PLXNA2: variants seen among roughly 807,000 people sequenced by gnomAD.
PLXNA2 encodes plexin-A2.
PLXNA2 carries 91 observed loss-of-function variants against 193.5 expected under a neutral mutation model. That is an observed-to-expected ratio of 0.47 (90% CI 0.40 to 0.56). PLXNA2 has a LOEUF of 0.56. Among genes scored for constraint, PLXNA2 ranks in the 20% least tolerant of loss-of-function variants. The pLI, the probability that PLXNA2 is intolerant of heterozygous loss-of-function variation, is 0.00. For synonymous variants in PLXNA2, 997 were observed against 1,027.3 expected (o/e 0.97, Z 0.56); for missense variants, 1,995 against 2,503.2 (o/e 0.80, Z 4.33).
At chr1:208,049,908 C>T (rs1407635402) in intron 17 of PLXNA2, among the ~76,000 whole-genome samples, 2 of 152,098 alleles carry the variant, frequency 1.3e-5, no homozygotes, top group African/African-American at 4.8e-5. Flanking sequence ...AAGGTCAAAG[C>T]AGTAATGATA....
intron 12 of PLXNA2, among the ~76,000 whole-genome samples, chr1:208,076,497 G>A (rs1445872739): frequency 6.6e-6 from 1 of 151,912 alleles, no homozygotes; most frequent in African/African-American, 2.4e-5. Context: ...GCCCAGATTC[G>A]GCTTCTGAGA....
At chr1:208,090,865 C>T (rs1418554042) in intron 9 of PLXNA2, among the ~76,000 whole-genome samples, 4 of 152,242 alleles carry the variant, frequency 2.6e-5, no homozygotes, top group African/African-American at 4.8e-5. Context: ...CTGCCCAGGC[C>T]TCCCATGGTG....
chr1:208,191,217 C>T (rs1016693625), intron 3 of PLXNA2, among the ~76,000 whole-genome samples: 4 of 152,196 alleles, frequency 2.6e-5, no homozygotes, highest in Admixed American at 6.5e-5. Flanking sequence ...TCCTGCCTCA[C>T]GCGGAAACAC....
At chr1:208,049,100 G>C (rs1297141383) in intron 17 of PLXNA2, among the ~76,000 whole-genome samples, 2 of 152,096 alleles carry the variant, frequency 1.3e-5, no homozygotes, top group Admixed American at 1.3e-4. Flanking sequence ...GTTCCTTCCT[G>C]CAGAAACCAC....
chr1:208,056,113 C>T (rs1425252753), intron 13 of PLXNA2, among the ~76,000 whole-genome samples: 3 of 152,222 alleles, frequency 2.0e-5, no homozygotes, highest in Admixed American at 6.5e-5. Context: ...ATGCTGCTAC[C>T]TGCGTGTGGT....
intron 4 of PLXNA2, among the ~76,000 whole-genome samples, chr1:208,110,470 G>A (rs1035018696): frequency 1.3e-5 from 2 of 152,246 alleles, no homozygotes; most frequent in Admixed American, 6.5e-5. Flanking sequence ...GCCCCACCTT[G>A]CCCTGAGCTG....
At chr1:208,239,499 C>T (rs1671977827) in intron 1 of PLXNA2, among the ~76,000 whole-genome samples, 1 of 152,242 alleles carries the variant, frequency 6.6e-6, no homozygotes, top group South Asian at 2.1e-4. Context: ...CTACATCTTC[C>T]ATCCACCTGC....
At chr1:208,152,201 C>T (rs1359371073) in intron 3 of PLXNA2, among the ~76,000 whole-genome samples, 1 of 152,210 alleles carries the variant, frequency 6.6e-6, no homozygotes, top group Non-Finnish European at 1.5e-5. Context: ...CGCTAAGCAC[C>T]ATTATCTGAC....
At chr1:208,065,949 A>G (rs1471368889) in intron 12 of PLXNA2, among the ~76,000 whole-genome samples, 1 of 152,162 alleles carries the variant, frequency 6.6e-6, no homozygotes, top group East Asian at 1.9e-4. Context: ...GCAGCATTCC[A>G]CAATGAACTC....
At chr1:208,220,448 A>ATTT (rs1671292753) in intron 1 of PLXNA2, among the ~76,000 whole-genome samples, 1 of 151,890 alleles carries the variant, frequency 6.6e-6, no homozygotes, top group South Asian at 2.1e-4. Flanking sequence ...TATTATTATT[A>ATTT]TTGAGACAGA....
chr1:208,203,261 A>T lies in PLXNA2; in HGVS notation c.1371+7019T>A, dbSNP rs1340027767. Among the ~76,000 whole-genome samples the T allele has an allele frequency of 5.9e-5, 9 of 152,186 alleles. No homozygotes were observed. The East Asian group carries it at 1.5e-3, about 26-fold the overall frequency. On this transcript the variant is annotated intron_variant, in intron 3 of 31. Transcript: ENST00000367033. ...GGAGCCCGGGCAGGGAGCCAAACTC[A>T]TTACTAGGGATGTGGTGGTGAGCTC...
At chr1:208,140,891 G>A (rs956065438) in intron 4 of PLXNA2, among the ~76,000 whole-genome samples, 1 of 152,168 alleles carries the variant, frequency 6.6e-6, no homozygotes, top group African/African-American at 2.4e-5. Flanking sequence ...CATTCATTTT[G>A]ATGATTCCCA....
At chr1:208,215,046 T>C in intron 2 of PLXNA2, among the ~76,000 whole-genome samples, 1 of 151,852 alleles carries the variant, frequency 6.6e-6, no homozygotes, top group South Asian at 2.1e-4. Flanking sequence ...AGGGTCTCAC[T>C]CTGTCACCCA....
chr1:208,079,206 C>G, intron 12 of PLXNA2, 54 bp downstream of exon 12: 1 of 1,485,648 alleles, frequency 6.7e-7, no homozygotes, highest in Non-Finnish European at 9.3e-7. Flanking sequence ...CTCCCACTGT[C>G]TTGGGGTCAG....
chr1:208,060,988 CT>C, intron 12 of PLXNA2, 151 bp from the exon 13 acceptor site: 1 of 619,196 alleles, frequency 1.6e-6, no homozygotes, highest in Non-Finnish European at 2.8e-6. Flanking sequence ...GTTTTGTCCA[CT>C]TTTTAGCTTA....
chr1:208,064,325 T>C (rs1344403023), intron 12 of PLXNA2, among the ~76,000 whole-genome samples: 7 of 152,216 alleles, frequency 4.6e-5, no homozygotes, highest in Admixed American at 1.3e-4. Flanking sequence ...TACTAGTCAC[T>C]TGCTCTAAAA....
intron 1 of PLXNA2, among the ~76,000 whole-genome samples, chr1:208,221,402 T>C (rs2102620919): frequency 6.8e-6 from 1 of 147,032 alleles, no homozygotes; most frequent in Non-Finnish European, 1.5e-5. Flanking sequence ...TTTTTTTTTT[T>C]TTTTTCAGGC....
chr1:208,075,955 G>A (rs771713226), intron 12 of PLXNA2, among the ~76,000 whole-genome samples: 5 of 151,852 alleles, frequency 3.3e-5, no homozygotes, highest in Non-Finnish European at 7.4e-5. Context: ...CTACTCAGGA[G>A]GCTGAGGAGT....
At chr1:208,234,144 C>G (rs911306594) in intron 1 of PLXNA2, among the ~76,000 whole-genome samples, 4 of 152,038 alleles carry the variant, frequency 2.6e-5, no homozygotes, top group Non-Finnish European at 4.4e-5. Context: ...GTGAGTGAGG[C>G]TGGGGCAAAC....
Sources: gnomAD v4.1 joint callset for allele counts (sites outside exome capture counted in the v4.1 genomes callset) on GRCh38, gnomAD v4.1.1 for gene constraint, MANE v1.5 for transcripts, NCBI Gene and HGNC (gene_info 2026-07-23, HGNC 2026-07-21) for gene names.